The following FBLN7 variants were observed in gnomAD, a reference collection of about 807,000 sequenced individuals.
FBLN7 encodes the protein fibulin-7.
FBLN7 carries 31 observed loss-of-function variants against 44.0 expected under a neutral mutation model. The observed-to-expected ratio is 0.70, with a 90% CI of 0.53 to 0.95. The LOEUF is 0.95. Among genes scored for constraint, FBLN7 ranks in the 40% least tolerant of loss-of-function variants. The pLI is 0.00. For missense variants in FBLN7, 573 were observed against 618.5 expected (o/e 0.93, Z 0.78); for synonymous variants, 262 against 253.4 (o/e 1.03, Z -0.32).
At chr2:112,142,043 A>G (rs936990646) in intron 1 of FBLN7, among the ~76,000 whole-genome samples, 1 of 152,216 alleles carries the variant, frequency 6.6e-6, no homozygotes, top group African/African-American at 2.4e-5. Context: ...GAGATTGCCC[A>G]TAGATGGTCA....
chr2:112,176,951 A>G (rs6750450), intron 4 of FBLN7: 101,058 of 147,100 alleles, frequency 0.69, 34,962 homozygotes, highest in African/African-American at 0.8. Context: ...TTTTTTTTTT[A>G]AGATGGGAGT....
chr2:112,197,296 G>C, the FBLN7 span, among the ~76,000 whole-genome samples: 8 of 143,878 alleles, frequency 5.6e-5, no homozygotes, highest in African/African-American at 2.0e-4. Context: ...GAGAGAGAGA[G>C]AGAGAGAGAG....
intron 6 of FBLN7, among the ~76,000 whole-genome samples, chr2:112,183,394 G>A (rs1282732208): frequency 6.6e-6 from 1 of 152,214 alleles, no homozygotes; most frequent in Non-Finnish European, 1.5e-5. Flanking sequence ...TACAGCACCA[G>A]CCTTGTCTGA....
the FBLN7 span, chr2:112,213,397 T>A: frequency 6.6e-6 from 1 of 151,658 alleles, no homozygotes; most frequent in African/African-American, 2.4e-5. Flanking sequence ...CATCTCGGGG[T>A]CTGAATTCCT....
At position 112,175,853 on chromosome 2, in the gene FBLN7, A is replaced by AT. The variant is rs771639738; in HGVS notation, c.532+15dup. On this transcript the variant is annotated intron_variant, in intron 4 of 7. Transcript: ENST00000331203. ...AGGCCCAGACTGGTATGTAGCCACC[A>AT]TGGGGTTAGGTGAGGACATCCTGCT... 1.1e-5 allele frequency: 17 copies of AT among 1,613,442 alleles called. No homozygotes were observed. In the South Asian group the frequency reaches 1.9e-4, roughly 18 times the overall value.
At chr2:112,178,327 C>T (rs116616802) in intron 4 of FBLN7, among the ~76,000 whole-genome samples, 1,946 of 150,866 alleles carry the variant, frequency 0.013, 29 homozygotes, top group Middle Eastern at 0.027. Flanking sequence ...ATGAACAGAC[C>T]AATAATGAGC....
chr2:112,150,663 T>C (rs1681114184), intron 1 of FBLN7, among the ~76,000 whole-genome samples: 1 of 152,312 alleles, frequency 6.6e-6, no homozygotes, highest in African/African-American at 2.4e-5. Context: ...GGATCCTTCC[T>C]GGTTGACTGA....
At chr2:112,185,933 G>C (rs1466511400) in intron 7 of FBLN7, among the ~76,000 whole-genome samples, 2 of 150,344 alleles carry the variant, frequency 1.3e-5, no homozygotes, top group Admixed American at 1.3e-4. Flanking sequence ...CTATCACAAA[G>C]CACATACATT....
chr2:112,159,642 A>C (rs770502609), intron 1 of FBLN7, 34 bp from the exon 2 acceptor site: 41 of 1,480,760 alleles, frequency 2.8e-5, no homozygotes, highest in Non-Finnish European at 3.7e-5. Flanking sequence ...AGTCAGTCTC[A>C]ATGGGTGGTG....
chr2:112,243,341 T>A, the FBLN7 span, among the ~76,000 whole-genome samples: 155 of 152,324 alleles, frequency 1.0e-3, no homozygotes, highest in African/African-American at 3.6e-3. Flanking sequence ...AAAAGACAAA[T>A]CTAAGAGAAG....
intron 1 of FBLN7, among the ~76,000 whole-genome samples, chr2:112,145,216 T>C (rs779557438): frequency 7.2e-5 from 11 of 152,234 alleles, no homozygotes; most frequent in Non-Finnish European, 1.5e-4. Context: ...CATCTCTTCA[T>C]GTGATTATTT....
the FBLN7 span, among the ~76,000 whole-genome samples, chr2:112,209,986 G>A: frequency 3.9e-5 from 6 of 152,014 alleles, no homozygotes; most frequent in Non-Finnish European, 7.4e-5. Flanking sequence ...TGTGTGGGGA[G>A]TGGTGATGCT....
intron 4 of FBLN7, among the ~76,000 whole-genome samples, chr2:112,180,282 C>G (rs568948911): frequency 9.2e-5 from 14 of 152,230 alleles, no homozygotes; most frequent in African/African-American, 3.1e-4. Context: ...TCAAAACTAT[C>G]TGGTATGAGA....
At chr2:112,211,225 C>T in the FBLN7 span, among the ~76,000 whole-genome samples, 1 of 152,208 alleles carries the variant, frequency 6.6e-6, no homozygotes, top group African/African-American at 2.4e-5. Flanking sequence ...ATCTGCCCCA[C>T]ATTTTTTTAG....
chr2:112,185,247 C>G lies in FBLN7; in HGVS notation c.855C>G (p.Thr285=), dbSNP rs1683212257. 6.2e-7 allele frequency: 1 copy of G among 1,613,866 alleles called. No homozygotes were observed. Among genetic ancestry groups the G allele is most frequent in the Non-Finnish European group, 8.5e-7 (1 of 1,179,888 alleles). ...VGLQPVCPQG[T]TCINTGGSFQ... Reference sequence around the variant, plus strand: ...TGCAGCCGGTGTGCCCCCAGGGGACCACATGCATCAACACCGGTGGAAGCT... The same window carrying G: ...TGCAGCCGGTGTGCCCCCAGGGGACGACATGCATCAACACCGGTGGAAGCT... The change falls in exon 7 of 8, where the codon ACC becomes ACG. Residue 285 remains threonine (T), a synonymous_variant. Coordinates refer to ENST00000331203, the MANE Select transcript of FBLN7 (RefSeq NM_153214.3).
intron 7 of FBLN7, 25 bp downstream of exon 7, chr2:112,185,364 C>T: frequency 6.2e-7 from 1 of 1,602,698 alleles, no homozygotes; most frequent in East Asian, 2.2e-5. Flanking sequence ...GGGAGGCACA[C>T]CCTCACCCAG....
At chr2:112,207,232 A>C in the FBLN7 span, among the ~76,000 whole-genome samples, 1 of 152,114 alleles carries the variant, frequency 6.6e-6, no homozygotes, top group Non-Finnish European at 1.5e-5. Flanking sequence ...TTTGGGAGGC[A>C]GAGGCAGGCG....
At chr2:112,181,314 G>A (rs963319563) in intron 4 of FBLN7, among the ~76,000 whole-genome samples, 1 of 152,032 alleles carries the variant, frequency 6.6e-6, no homozygotes, top group Non-Finnish European at 1.5e-5. Flanking sequence ...CATGTTGAAG[G>A]TCTTCAAACC....
chr2:112,159,188 T>A (rs960367027), intron 1 of FBLN7, among the ~76,000 whole-genome samples: 1 of 121,472 alleles, frequency 8.2e-6, no homozygotes, highest in African/African-American at 3.1e-5. Flanking sequence ...TTAACTCTAG[T>A]GAGTTTTTTT....
Sources: gnomAD v4.1 joint callset for allele counts (sites outside exome capture counted in the v4.1 genomes callset) on GRCh38, gnomAD v4.1.1 for gene constraint, MANE v1.5 for transcripts, NCBI Gene and HGNC (gene_info 2026-07-23, HGNC 2026-07-21) for gene names.